Variants in COL24A1 observed in about 807,000 individuals in gnomAD.
COL24A1 encodes the protein collagen alpha-1(XXIV) chain.
In COL24A1, 224 loss-of-function variants were observed where a neutral mutation model predicts 253.9. That is an observed-to-expected ratio of 0.88 (90% confidence interval 0.79 to 0.99). COL24A1 has a LOEUF of 0.99. COL24A1 is among the 50% of genes least tolerant of loss of function. The pLI is 0.00. For missense variants in COL24A1, 2,131 were observed against 2,068.5 expected (o/e 1.03, Z -0.59); for synonymous variants, 685 against 673.7 (o/e 1.02, Z -0.26).
intron 12 of COL24A1, 137 bp from the exon 13 acceptor site, chr1:86,034,060 T>A: frequency 1.8e-6 from 1 of 553,628 alleles, no homozygotes; most frequent in Non-Finnish European, 3.0e-6. Flanking sequence ...TTCTTTTGCA[T>A]AACACGCTTA....
chr1:85,776,314 T>C (rs895725648), intron 52 of COL24A1, among the ~76,000 whole-genome samples: 3 of 152,040 alleles, frequency 2.0e-5, no homozygotes, highest in African/African-American at 7.2e-5. Context: ...TTCTATGACC[T>C]CAGTTCTTTT....
chr1:86,042,978 T>C (rs1237266226), intron 12 of COL24A1, among the ~76,000 whole-genome samples: 1 of 152,158 alleles, frequency 6.6e-6, no homozygotes, highest in African/African-American at 2.4e-5. Flanking sequence ...CCCTGATCAA[T>C]AGGTAGAAAG....
At chr1:85,937,329 C>T (rs1688325620) in intron 24 of COL24A1, among the ~76,000 whole-genome samples, 1 of 147,652 alleles carries the variant, frequency 6.8e-6, no homozygotes, top group Non-Finnish European at 1.5e-5. Context: ...AGAATAGGTA[C>T]AGACTAATGG....
Position 85,896,035 on chromosome 1 carries a change from G to T in COL24A1, c.2863C>A (p.Pro955Thr). 1 of 1,612,158 alleles carries T rather than the reference G, an allele frequency of 6.2e-7. No individual in the cohort carries two copies. Among genetic ancestry groups the T allele is most frequent in the Admixed American group, 1.7e-5 (1 of 59,650 alleles). The change falls in exon 30 of 60, where the codon CCT becomes ACT. Residue 955 changes from proline to threonine, a missense_variant. Transcript: ENST00000370571. ...GEKGDQGKRG[P>T]HGLIGKTGNP... ...TTATTACTTACAATAAGACCATGAGGCCCTCTTTTTCCTTGATCTCCTTTT... is the reference window on the plus strand; with the variant it reads ...TTATTACTTACAATAAGACCATGAGTCCCTCTTTTTCCTTGATCTCCTTTT...
intron 8 of COL24A1, among the ~76,000 whole-genome samples, chr1:86,060,318 T>C (rs1273374972): frequency 6.6e-6 from 1 of 152,172 alleles, no homozygotes; most frequent in Non-Finnish European, 1.5e-5. Flanking sequence ...TGTGTTGAGC[T>C]GATGACAACA....
At chr1:85,932,457 G>A (rs910159296) in intron 24 of COL24A1, among the ~76,000 whole-genome samples, 1,675 of 113,882 alleles carry the variant, frequency 0.015, 92 homozygotes, top group African/African-American at 0.058. Context: ...GAGAGGATGC[G>A]GAGAAATAGG....
intron 37 of COL24A1, among the ~76,000 whole-genome samples, chr1:85,864,595 T>C (rs1424963694): frequency 6.6e-6 from 1 of 152,128 alleles, no homozygotes; most frequent in Non-Finnish European, 1.5e-5. Context: ...ACAAGAAACA[T>C]ATATCTTATC....
chr1:86,031,911 A>C lies in COL24A1; in HGVS notation c.2016T>G (p.Gly672=). ...CAGGAAACCCCGGAGGACCAGTGCC[A>C]CCTACAAGTCCCTATTGTAAAAGAA... ...AGLDGSPGLV[G]GTGPPGFPGL... The change falls in exon 14 of 60, where the codon GGT becomes GGG. Residue 672 remains glycine (G), a synonymous_variant. Coordinates refer to ENST00000370571, the MANE Select transcript of COL24A1 (RefSeq NM_152890.7). 6.2e-7 allele frequency: 1 copy of C among 1,609,228 alleles called. No individual in the cohort carries two copies. Among genetic ancestry groups the C allele is most frequent in the Non-Finnish European group, 8.5e-7 (1 of 1,177,520 alleles).
intron 24 of COL24A1, 40 bp from the exon 25 acceptor site, chr1:85,911,473 G>T (rs750637947): frequency 5.4e-6 from 8 of 1,493,372 alleles, no homozygotes; most frequent in South Asian, 4.6e-5. Context: ...CACACATATT[G>T]TATTGCTATT....
chr1:85,917,128 C>T (rs536875249), intron 24 of COL24A1, among the ~76,000 whole-genome samples: 1 of 152,296 alleles, frequency 6.6e-6, no homozygotes, highest in Non-Finnish European at 1.5e-5. Context: ...TATGTATCAA[C>T]ATGGATAAAC....
At chr1:85,820,939 A>C (rs1673563394) in intron 45 of COL24A1, among the ~76,000 whole-genome samples, 1 of 152,228 alleles carries the variant, frequency 6.6e-6, no homozygotes, top group Non-Finnish European at 1.5e-5. Context: ...GTTTGTTTAA[A>C]TGAGGCTGAA....
intron 32 of COL24A1, among the ~76,000 whole-genome samples, chr1:85,884,812 C>T (rs1354821103): frequency 1.3e-5 from 2 of 152,046 alleles, no homozygotes; most frequent in Non-Finnish European, 2.9e-5. Context: ...GCTTACTATC[C>T]CTCTCCCTCT....
At chr1:86,012,419 C>T (rs1559001791) in intron 19 of COL24A1, among the ~76,000 whole-genome samples, 2 of 152,046 alleles carry the variant, frequency 1.3e-5, no homozygotes, top group Admixed American at 1.3e-4. Context: ...GAAATCCCAT[C>T]TCAACTAAAA....
At chr1:85,838,503 C>T in intron 43 of COL24A1, 82 bp downstream of exon 43, 1 of 1,237,088 alleles carries the variant, frequency 8.1e-7, no homozygotes, top group South Asian at 1.2e-5. Context: ...CTAATTATCT[C>T]AATAATGGAA....
rs1016138213 is a variant in COL24A1 at position 85,949,761 on chromosome 1, T to G, written c.2562+11488A>C. Among the ~76,000 whole-genome samples the G allele has an allele frequency of 1.3e-5, 2 of 152,276 alleles. 1 individual carries two copies. The highest frequency in any genetic ancestry group is 4.1e-4 in the South Asian group (2 of 4,828). On this transcript the variant is annotated intron_variant, in intron 24 of 59. Transcript: ENST00000370571. ...AGATATTTCTAACTGGCAATATGAC[T>G]GTTTCAAAATATTACTATAAATTCA...
chr1:85,832,891 C>G (rs1043385787), intron 43 of COL24A1, among the ~76,000 whole-genome samples: 1 of 151,104 alleles, frequency 6.6e-6, no homozygotes, highest in African/African-American at 2.5e-5. Flanking sequence ...ATTTGACTTC[C>G]TCTTTTCCTA....
At chr1:85,985,305 T>C (rs189322345) in intron 20 of COL24A1, among the ~76,000 whole-genome samples, 20 of 151,916 alleles carry the variant, frequency 1.3e-4, no homozygotes, top group Admixed American at 7.2e-4. Flanking sequence ...GCTGTGAGAT[T>C]TGAGTAAGTA....
chr1:85,741,981 AT>A (rs1238844513), intron 57 of COL24A1, among the ~76,000 whole-genome samples: 1 of 151,488 alleles, frequency 6.6e-6, no homozygotes, highest in African/African-American at 2.4e-5. Context: ...TCTGGCAAAC[AT>A]TTTCTTTGCT....
At chr1:86,035,868 G>C (rs1698962536) in intron 12 of COL24A1, among the ~76,000 whole-genome samples, 1 of 152,048 alleles carries the variant, frequency 6.6e-6, no homozygotes, top group African/African-American at 2.4e-5. Context: ...TCCAGTGGGA[G>C]AAACTGTTCT....
Sources: allele counts gnomAD v4.1 joint callset (sites outside exome capture counted in the v4.1 genomes callset), GRCh38; gene constraint gnomAD v4.1.1; transcripts MANE v1.5; gene names NCBI Gene and HGNC (gene_info 2026-07-23, HGNC 2026-07-21).